Variants in ITSN2 observed in about 807,000 individuals in gnomAD.
ITSN2 encodes the protein intersectin 2, also known as intersectin-2.
ITSN2 carries 156 observed loss-of-function variants against 243.7 expected under a neutral mutation model. That is an observed-to-expected ratio of 0.64 (90% confidence interval 0.56 to 0.73). ITSN2 has a LOEUF of 0.73. Among genes scored for constraint, ITSN2 ranks in the 30% least tolerant of loss-of-function variants. The pLI is 0.00. For synonymous variants in ITSN2, 703 were observed against 699.9 expected (o/e 1.00, Z -0.07); for missense variants, 1,801 against 1,996.1 (o/e 0.90, Z 1.86).
intron 37 of ITSN2, chr2:24,205,511 C>CCGT: frequency 2.0e-6 from 1 of 502,410 alleles, no homozygotes; most frequent in South Asian, 2.0e-5. Context: ...CTTTCTCTGC[C>CCGT]CGTCAGCATC....
Position 24,299,892 on chromosome 2 carries a change from A to G in ITSN2, c.1344+17T>C, listed in dbSNP as rs940602721. ...AATGTAATGATTTTCTTAAGAAGTA[A>G]AAAACTTAAAAATAACCTCTCGTCT... On this transcript the variant is annotated intron_variant, in intron 12 of 39. Transcript: ENST00000355123. 3 of 1,570,320 alleles carry G rather than the reference A, an allele frequency of 1.9e-6. No individual in the cohort carries two copies. Among genetic ancestry groups the G allele is most frequent in the Non-Finnish European group, 2.6e-6 (3 of 1,158,498 alleles).
intron 1 of ITSN2, among the ~76,000 whole-genome samples, chr2:24,342,464 A>C (rs932747205): frequency 6.7e-6 from 1 of 150,324 alleles, no homozygotes; most frequent in Non-Finnish European, 1.5e-5. Flanking sequence ...CTCCCAATGC[A>C]AGCTTTCTTT....
Position 24,334,034 on chromosome 2 carries a change from C to T in ITSN2, c.-33-5919G>A, listed in dbSNP as rs143646771. ...CCTCTTAAGTAGCGGGGACTACAAG[C>T]GCACGCCACCACACCTGGCTAATTT... is the stretch of plus-strand genomic sequence containing the variant. On this transcript the variant is annotated intron_variant, in intron 1 of 39. Coordinates refer to ENST00000355123, the MANE Select transcript of ITSN2 (RefSeq NM_006277.3). 2.6e-3 allele frequency among the ~76,000 whole-genome samples: 398 copies of T among 151,946 alleles called. 3 individuals are homozygous for T. The highest frequency in any genetic ancestry group is 9.2e-3 in the African/African-American group (383 of 41,434).
intron 31 of ITSN2, 45 bp downstream of exon 31, chr2:24,217,862 G>T: frequency 7.4e-7 from 1 of 1,360,228 alleles, no homozygotes; most frequent in Non-Finnish European, 1.1e-6. Context: ...CTCAGTCTGG[G>T]GGCTTTGGGG....
chr2:24,333,271 G>A (rs543305879), intron 1 of ITSN2, among the ~76,000 whole-genome samples: 2 of 152,198 alleles, frequency 1.3e-5, no homozygotes, highest in Non-Finnish European at 2.9e-5. Context: ...TTGTCCAGGA[G>A]AAGAAAAACA....
chr2:24,263,546 T>G (rs1192101390), intron 20 of ITSN2, among the ~76,000 whole-genome samples: 1 of 152,198 alleles, frequency 6.6e-6, no homozygotes, highest in Non-Finnish European at 1.5e-5. Flanking sequence ...AGTTTCCTCT[T>G]GTTCCACCAT....
At chr2:24,212,505 C>T in intron 33 of ITSN2, 145 bp downstream of exon 33, 1 of 604,134 alleles carries the variant, frequency 1.7e-6, no homozygotes, top group Non-Finnish European at 2.9e-6. Context: ...GCATCTGGTC[C>T]CCGGGACAGT....
chr2:24,226,144 T>A (rs1671008919), intron 29 of ITSN2, among the ~76,000 whole-genome samples: 1 of 152,212 alleles, frequency 6.6e-6, no homozygotes, highest in African/African-American at 2.4e-5. Context: ...GAGCACAGCG[T>A]GTTGGCTACC....
chr2:24,266,815 T>C (rs1239055338), intron 20 of ITSN2, among the ~76,000 whole-genome samples: 1 of 149,350 alleles, frequency 6.7e-6, no homozygotes, highest in Non-Finnish European at 1.5e-5. Flanking sequence ...TGTGTGCCTG[T>C]AGTCTCCACT....
rs1289799948 is a variant in ITSN2 at position 24,254,731 on chromosome 2, T to C, written c.2889-300A>G. On this transcript the variant is annotated intron_variant, in intron 23 of 39. Coordinates refer to ENST00000355123, the MANE Select transcript of ITSN2 (RefSeq NM_006277.3). ...AAGAAACTTAAAAGACACCCACAAA[T>C]TGTTAAGTGGTAAGCACATATAGGG... 3.9e-5 allele frequency among the ~76,000 whole-genome samples: 6 copies of C among 152,146 alleles called. No individual in the cohort carries two copies. In the East Asian group the frequency reaches 1.2e-3, roughly 29 times the overall value.
intron 2 of ITSN2, among the ~76,000 whole-genome samples, chr2:24,326,033 G>T (rs1558632592): frequency 6.6e-6 from 1 of 152,058 alleles, no homozygotes; most frequent in African/African-American, 2.4e-5. Flanking sequence ...TCTATGTCAG[G>T]ATTACTAGAG....
At position 24,295,669 on chromosome 2, in the gene ITSN2, GT is replaced by G. The variant is rs753690191; in HGVS notation, c.1629del (p.Glu543AspfsTer19). The G allele has an allele frequency of 8.5e-6, 13 of 1,534,098 alleles. No homozygotes were observed. Among genetic ancestry groups the G allele is most frequent in the Non-Finnish European group, 1.1e-5 (13 of 1,151,090 alleles). The stretch of plus-strand genomic sequence containing the variant: ...TTTAGCAGTGAAGGACTTACCTGAA[GT>G]TCCTGTTGAAGTTGCTTGATTTCCA... ...EIMEIKQLQQ[E>X]LQEYQNKLIY... On this transcript the variant is annotated frameshift_variant, in exon 14 of 40. Transcript: ENST00000355123. LOFTEE classifies it high-confidence loss of function.
chr2:24,220,612 G>A, intron 30 of ITSN2: 1 of 1,182,026 alleles, frequency 8.5e-7, no homozygotes, highest in South Asian at 3.6e-5. Flanking sequence ...TCTGCCATAG[G>A]CCCTTCCCAT....
chr2:24,300,984 T>G (rs969058363), intron 11 of ITSN2, among the ~76,000 whole-genome samples, 170 bp downstream of exon 11: 1 of 152,246 alleles, frequency 6.6e-6, no homozygotes, highest in South Asian at 2.1e-4. Context: ...CTTCTCATTT[T>G]GACCATCTTA....
chr2:24,208,506 C>G (rs1035802066), intron 36 of ITSN2, among the ~76,000 whole-genome samples, 187 bp from the exon 37 acceptor site: 1 of 152,192 alleles, frequency 6.6e-6, no homozygotes, highest in Non-Finnish European at 1.5e-5. Context: ...TGGTAGTGAC[C>G]CTTCTTGGCT....
chr2:24,204,796 C>A lies in ITSN2; in HGVS notation c.4763-378G>T. ...GTCCAATATGCGCATTTTAGTGGCA[C>A]TGGACACACTGTTAGAAAGCATTCC... is the stretch of plus-strand genomic sequence containing the variant. On this transcript the variant is annotated intron_variant, in intron 38 of 39. Coordinates refer to ENST00000355123, the MANE Select transcript of ITSN2 (RefSeq NM_006277.3). This position sits in a 1 kb window ranked among gnomAD's most constrained non-coding sequence, Gnocchi z 5.1. 1 of 469,290 alleles carries A rather than the reference C, an allele frequency of 2.1e-6. No homozygotes were observed. Among genetic ancestry groups the A allele is most frequent in the Non-Finnish European group, 4.2e-6 (1 of 236,180 alleles). 29.1% of individuals were successfully genotyped at this position (469,290 alleles called of 1,614,324 possible).
intron 25 of ITSN2, among the ~76,000 whole-genome samples, chr2:24,251,825 C>T (rs1225087071): frequency 6.6e-6 from 1 of 151,638 alleles, no homozygotes; most frequent in Non-Finnish European, 1.5e-5. Context: ...CGGTAAATAT[C>T]ATTAGCTATA....
chr2:24,208,139 C>T, intron 37 of ITSN2, 98 bp downstream of exon 37: 2 of 1,060,930 alleles, frequency 1.9e-6, no homozygotes, highest in South Asian at 1.3e-5. Context: ...TCTGGTCTTT[C>T]AGACCCGTCC....
At chr2:24,305,801 A>G (rs1682457577) in intron 8 of ITSN2, among the ~76,000 whole-genome samples, 1 of 152,156 alleles carries the variant, frequency 6.6e-6, no homozygotes, top group Non-Finnish European at 1.5e-5. Context: ...CCTAAAAAAC[A>G]CCATAATACA....
Sources: allele counts gnomAD v4.1 joint callset (sites outside exome capture counted in the v4.1 genomes callset), GRCh38; gene constraint gnomAD v4.1.1; non-coding constraint Gnocchi (gnomAD v3.1); transcripts MANE v1.5; gene names NCBI Gene and HGNC (gene_info 2026-07-23, HGNC 2026-07-21).